The following ANO6 variants were observed in gnomAD, a reference collection of about 807,000 sequenced individuals.
ANO6 encodes anoctamin-6.
Under a neutral mutation model 117.5 loss-of-function variants are expected in ANO6, and 106 were observed. The ratio of observed to expected loss-of-function variants is 0.90; its 90% CI spans 0.77 to 1.06. ANO6 has a LOEUF of 1.06. Among genes scored for constraint, ANO6 ranks in the 50% least tolerant of loss-of-function variants. The probability of loss-of-function intolerance (pLI) is 0.00; values close to 1 mark genes in which losing one functional copy is unlikely to be tolerated. For missense variants in ANO6, 955 were observed against 1,121.1 expected (o/e 0.85, Z 2.12); for synonymous variants, 367 against 385.1 (o/e 0.95, Z 0.55).
intron 9 of ANO6, among the ~76,000 whole-genome samples, chr12:45,371,169 G>T (rs550282020): frequency 6.6e-6 from 1 of 152,192 alleles, no homozygotes; most frequent in Admixed American, 6.5e-5. Flanking sequence ...AAAAAACGGC[G>T]CACCACAAGA....
At chr12:45,255,823 T>TTTTTTTG (rs1937801302) in intron 1 of ANO6, among the ~76,000 whole-genome samples, 1 of 145,490 alleles carries the variant, frequency 6.9e-6, no homozygotes, top group East Asian at 2.1e-4. Context: ...TGGGTGTTTT[T>TTTTTTTG]TTTTTTTTTT....
intron 1 of ANO6, among the ~76,000 whole-genome samples, chr12:45,272,173 A>G (rs1370191255): frequency 7.4e-6 from 1 of 134,532 alleles, no homozygotes; most frequent in Non-Finnish European, 1.6e-5. Context: ...GATTTGAAGA[A>G]CCACCTTTTT....
intron 1 of ANO6, among the ~76,000 whole-genome samples, chr12:45,243,106 G>A (rs1209199088): frequency 6.6e-6 from 1 of 152,162 alleles, no homozygotes; most frequent in Non-Finnish European, 1.5e-5. Context: ...CTTGAGCCTA[G>A]CCAAGTTCAA....
chr12:45,280,544 C>G (rs1227836621), intron 1 of ANO6, among the ~76,000 whole-genome samples: 1 of 152,138 alleles, frequency 6.6e-6, no homozygotes. Flanking sequence ...TGCACTGATT[C>G]TGGGAAAACA....
chr12:45,274,182 T>C (rs1331470034), intron 1 of ANO6, among the ~76,000 whole-genome samples: 1 of 152,140 alleles, frequency 6.6e-6, no homozygotes, highest in East Asian at 1.9e-4. Flanking sequence ...GTGATCTCAT[T>C]CATTTGCAAG....
intron 4 of ANO6, chr12:45,347,556 TTAATA>T (rs1941169480): frequency 1.1e-5 from 2 of 183,088 alleles, no homozygotes; most frequent in Admixed American, 1.1e-4. Context: ...CTTTTTCCCT[TTAATA>T]TATAGCAAAT....
intron 1 of ANO6, among the ~76,000 whole-genome samples, chr12:45,276,336 G>A (rs1938554484): frequency 6.6e-6 from 1 of 152,152 alleles, no homozygotes; most frequent in Non-Finnish European, 1.5e-5. Flanking sequence ...CTGTGATGGT[G>A]TGGTGCCATC....
At chr12:45,303,620 C>T (rs764429146) in intron 2 of ANO6, among the ~76,000 whole-genome samples, 6 of 152,180 alleles carry the variant, frequency 3.9e-5, no homozygotes, top group Admixed American at 2.6e-4. Flanking sequence ...TGGCAAGTCT[C>T]GGCAGTTTGT....
intron 16 of ANO6, among the ~76,000 whole-genome samples, chr12:45,415,194 C>T (rs546423240): frequency 6.6e-6 from 1 of 152,298 alleles, no homozygotes; most frequent in South Asian, 2.1e-4. Context: ...TTGGCACATC[C>T]TACCACTCAT....
At chr12:45,263,166 G>A (rs1938098669) in intron 1 of ANO6, among the ~76,000 whole-genome samples, 1 of 152,074 alleles carries the variant, frequency 6.6e-6, no homozygotes, top group Non-Finnish European at 1.5e-5. Flanking sequence ...TTCTTGAGAA[G>A]TGAAATTACT....
At chr12:45,316,519 A>G (rs187639551) in intron 2 of ANO6, among the ~76,000 whole-genome samples, 1 of 152,210 alleles carries the variant, frequency 6.6e-6, no homozygotes, top group African/African-American at 2.4e-5. Context: ...TGTTAATAGA[A>G]TATAGAAACT....
intron 2 of ANO6, among the ~76,000 whole-genome samples, chr12:45,308,944 G>A (rs992459585): frequency 3.9e-5 from 6 of 152,026 alleles, no homozygotes; most frequent in Non-Finnish European, 2.9e-5. Context: ...CCCTAAAGAT[G>A]GAAGGAAGGG....
intron 1 of ANO6, among the ~76,000 whole-genome samples, chr12:45,291,016 C>T (rs1487015672): frequency 6.6e-6 from 1 of 152,072 alleles, no homozygotes; most frequent in Non-Finnish European, 1.5e-5. Context: ...TTTTGAAAAG[C>T]GTGCCAGATA....
chr12:45,221,053 C>T (rs959314159), intron 1 of ANO6, among the ~76,000 whole-genome samples: 4 of 143,872 alleles, frequency 2.8e-5, no homozygotes, highest in Admixed American at 6.7e-5. Flanking sequence ...TGATTGGTGT[C>T]GGAAGTGGGG....
chr12:45,349,077 C>T (rs985199896), intron 6 of ANO6, among the ~76,000 whole-genome samples: 9 of 152,014 alleles, frequency 5.9e-5, no homozygotes, highest in African/African-American at 2.2e-4. Context: ...TAAATTAATC[C>T]AAATGTTAGT....
chr12:45,274,646 C>T (rs554082319), intron 1 of ANO6, among the ~76,000 whole-genome samples: 10 of 151,876 alleles, frequency 6.6e-5, no homozygotes, highest in African/African-American at 1.2e-4. Context: ...AGTGGCTTCT[C>T]TACAAACAGT....
chr12:45,342,313 A>G (rs1168570882), intron 3 of ANO6, among the ~76,000 whole-genome samples: 1 of 152,226 alleles, frequency 6.6e-6, no homozygotes, highest in East Asian at 1.9e-4. Context: ...TTCATAGCTG[A>G]TACAGCTGAT....
chr12:45,404,829 T>C (rs1449037050), intron 15 of ANO6, among the ~76,000 whole-genome samples: 1 of 152,250 alleles, frequency 6.6e-6, no homozygotes, highest in Admixed American at 6.5e-5. Flanking sequence ...CCTCCTGCCA[T>C]GTTGCCCTCT....
At chr12:45,412,723 T>A (rs1943117550) in intron 16 of ANO6, among the ~76,000 whole-genome samples, 1 of 152,224 alleles carries the variant, frequency 6.6e-6, no homozygotes, top group Non-Finnish European at 1.5e-5. Flanking sequence ...CACTCATTCA[T>A]CCATTAAACA....
Sources: allele counts gnomAD v4.1 joint callset (sites outside exome capture counted in the v4.1 genomes callset), GRCh38; gene constraint gnomAD v4.1.1; transcripts MANE v1.5; gene names NCBI Gene and HGNC (gene_info 2026-07-23, HGNC 2026-07-21).